The following NLGN1 variants were observed in gnomAD, a reference collection of about 807,000 sequenced individuals.
NLGN1 encodes the protein neuroligin-1.
Under a neutral mutation model 65.5 loss-of-function variants are expected in NLGN1, and 12 were observed. The ratio of observed to expected loss-of-function variants is 0.18; its 90% CI spans 0.12 to 0.30. The LOEUF is 0.30. Among genes scored for constraint, NLGN1 ranks in the 10% least tolerant of loss-of-function variants. NLGN1 has a pLI of 1.00. For missense variants in NLGN1, 750 were observed against 1,007.1 expected (o/e 0.74, Z 3.46); for synonymous variants, 350 against 359.5 (o/e 0.97, Z 0.30).
intron 3 of NLGN1, among the ~76,000 whole-genome samples, chr3:173,698,215 T>G (rs960588675): frequency 1.3e-5 from 2 of 152,180 alleles, no homozygotes; most frequent in African/African-American, 4.8e-5. Flanking sequence ...TATTAGACAC[T>G]CAATAAATGA....
At chr3:174,118,785 T>C (rs1717122426) in intron 4 of NLGN1, among the ~76,000 whole-genome samples, 1 of 152,144 alleles carries the variant, frequency 6.6e-6, no homozygotes, top group Non-Finnish European at 1.5e-5. Context: ...TACATCCAAG[T>C]AGAATGCAAA....
At chr3:173,413,258 TTTTTG>T (rs1239323548) in intron 1 of NLGN1, among the ~76,000 whole-genome samples, 13 of 152,110 alleles carry the variant, frequency 8.5e-5, no homozygotes, top group Non-Finnish European at 1.2e-4. Flanking sequence ...GTTCATATAT[TTTTTG>T]TTTTATCTAT....
chr3:173,529,807 C>T (rs536772034), intron 2 of NLGN1, among the ~76,000 whole-genome samples: 301 of 152,168 alleles, frequency 2.0e-3, no homozygotes, highest in African/African-American at 7.1e-3. Context: ...GGATACCTTT[C>T]AGGATGTGCG....
rs980388877 is a variant in NLGN1, at chr3:173,779,601, T to G, written c.494-28079T>G. 2.7e-4 allele frequency among the ~76,000 whole-genome samples: 41 copies of G among 152,072 alleles called. 1 individual carries two copies. Among genetic ancestry groups the G allele is most frequent in the Non-Finnish European group, 8.8e-5 (6 of 67,948 alleles). On this transcript the variant is annotated intron_variant, in intron 3 of 6. Coordinates refer to ENST00000457714, the Ensembl canonical transcript of NLGN1. ...TTTTCTTTGGATATTTAAAGTCTGT[T>G]GGAGAAATTGGACAAGCATCAAATC... is the stretch of plus-strand genomic sequence containing the variant.
At chr3:173,756,824 A>G (rs1198106355) in intron 3 of NLGN1, among the ~76,000 whole-genome samples, 1 of 145,198 alleles carries the variant, frequency 6.9e-6, no homozygotes, top group Non-Finnish European at 1.5e-5. Context: ...CCTACGGTAG[A>G]AAAAAAAACA....
chr3:173,586,913 A>G (rs1560007345), intron 2 of NLGN1, among the ~76,000 whole-genome samples: 1 of 152,216 alleles, frequency 6.6e-6, no homozygotes, highest in Non-Finnish European at 1.5e-5. Flanking sequence ...AAATATTTTC[A>G]AAGTTTAAAC....
intron 4 of NLGN1, among the ~76,000 whole-genome samples, chr3:173,862,505 CAAAAAAAAAAAAAAAAA>C (rs10601211): frequency 2.4e-5 from 1 of 41,708 alleles, no homozygotes; most frequent in African/African-American, 7.0e-5. Context: ...GACTCCGTCT[CAAAAAAAAAAAAAAAAA>C]AAAAAAAAGA....
chr3:173,730,962 C>T (rs1772738316), intron 3 of NLGN1, among the ~76,000 whole-genome samples: 1 of 152,034 alleles, frequency 6.6e-6, no homozygotes, highest in Admixed American at 6.6e-5. Flanking sequence ...CTGGGCAAGG[C>T]TTCAAAGAGG....
At chr3:173,511,324 C>T (rs60152034) in intron 2 of NLGN1, among the ~76,000 whole-genome samples, 1,979 of 152,256 alleles carry the variant, frequency 0.013, 39 homozygotes, top group African/African-American at 0.045. Flanking sequence ...CCCACACACT[C>T]ACCACCTCCC....
intron 3 of NLGN1, among the ~76,000 whole-genome samples, chr3:173,637,004 G>A (rs948872703): frequency 2.6e-5 from 4 of 152,108 alleles, no homozygotes; most frequent in South Asian, 2.1e-4. Flanking sequence ...AGTGCAAAGA[G>A]AAATAAGATA....
At position 174,117,215 on chromosome 3, in the gene NLGN1, C is replaced by CA. The variant is rs369227549; in HGVS notation, c.647-158087dup. Among the ~76,000 whole-genome samples, 458 of 136,890 alleles carry CA rather than the reference C, an allele frequency of 3.3e-3. 1 individual carries two copies. Among genetic ancestry groups the CA allele is most frequent in the East Asian group, 8.4e-3 (40 of 4,762 alleles). 89.8% of individuals were successfully genotyped at this position (136,890 alleles called of 152,430 possible). A position where few individuals can be genotyped will look rare whatever the true frequency, so the allele number is the denominator to read the frequency against. On this transcript the variant is annotated intron_variant, in intron 4 of 6. Coordinates refer to ENST00000457714, the Ensembl canonical transcript of NLGN1. ...CATTATGTCTGTAATAGGCATCTAT[C>CA]AAAAAAAAAAAAACTGGTTCATGTG... is the stretch of plus-strand genomic sequence containing the variant.
chr3:173,895,716 A>G (rs1315478552), intron 4 of NLGN1, among the ~76,000 whole-genome samples: 1 of 151,672 alleles, frequency 6.6e-6, no homozygotes, highest in East Asian at 1.9e-4. Context: ...TTGAGACAAG[A>G]GTCTCACTCT....
chr3:173,589,105 C>G (rs1748002349), intron 2 of NLGN1, among the ~76,000 whole-genome samples: 1 of 152,198 alleles, frequency 6.6e-6, no homozygotes, highest in Non-Finnish European at 1.5e-5. Flanking sequence ...CTAGACCTAA[C>G]TAATGCAGTT....
At chr3:174,078,404 TCTAG>T (rs1741456408) in intron 4 of NLGN1, among the ~76,000 whole-genome samples, 1 of 152,180 alleles carries the variant, frequency 6.6e-6, no homozygotes, top group African/African-American at 2.4e-5. Flanking sequence ...TTGGAAGGGT[TCTAG>T]GCAGAAATTT....
chr3:174,266,460 G>A (rs1211650465), intron 4 of NLGN1, among the ~76,000 whole-genome samples: 1 of 152,108 alleles, frequency 6.6e-6, no homozygotes, highest in African/African-American at 2.4e-5. Flanking sequence ...ATCCACCACT[G>A]ATGGGTATCT....
intron 2 of NLGN1, among the ~76,000 whole-genome samples, chr3:173,499,469 A>G (rs1237154996): frequency 6.6e-6 from 1 of 151,840 alleles, no homozygotes; most frequent in Non-Finnish European, 1.5e-5. Flanking sequence ...CTTGTAGTAT[A>G]GTTTGAAGTC....
chr3:173,740,820 G>A (rs1041607141), intron 3 of NLGN1, among the ~76,000 whole-genome samples: 3 of 151,956 alleles, frequency 2.0e-5, no homozygotes, highest in Non-Finnish European at 2.9e-5. Flanking sequence ...AATTGTTCTC[G>A]AAAACTAGAA....
chr3:174,265,908 AT>A (rs1748076977), intron 4 of NLGN1, among the ~76,000 whole-genome samples: 2 of 95,548 alleles, frequency 2.1e-5, no homozygotes, highest in East Asian at 5.3e-4. Flanking sequence ...ATATATGTGT[AT>A]ATATGTATAT....
intron 2 of NLGN1, among the ~76,000 whole-genome samples, chr3:173,500,573 A>G (rs543806820): frequency 1.3e-5 from 2 of 152,234 alleles, no homozygotes; most frequent in East Asian, 3.9e-4. Flanking sequence ...TCATAAAATG[A>G]GTTAGGGAAG....
Sources: gnomAD v4.1 joint callset for allele counts (sites outside exome capture counted in the v4.1 genomes callset) on GRCh38, gnomAD v4.1.1 for gene constraint, MANE v1.5 for transcripts, NCBI Gene and HGNC (gene_info 2026-07-23, HGNC 2026-07-21) for gene names.